Variants in SH3D19 observed in about 807,000 individuals in gnomAD.
SH3D19 encodes SH3 domain containing 19, also known as SH3 domain-containing protein 19.
SH3D19 carries 58 observed loss-of-function variants against 112.1 expected under a neutral mutation model. That is an observed-to-expected ratio of 0.52 (90% CI 0.42 to 0.64). The LOEUF is 0.64. Among genes scored for constraint, SH3D19 ranks in the 30% least tolerant of loss-of-function variants. The probability of loss-of-function intolerance (pLI) is 0.00; values close to 1 mark genes in which losing one functional copy is unlikely to be tolerated. For missense variants in SH3D19, 1,090 were observed against 1,263.4 expected, an observed-to-expected ratio of 0.86 and a Z score of 2.08; for synonymous variants, 391 against 448.5, an observed-to-expected ratio of 0.87 and a Z score of 1.62.
chr4:151,241,002 A>G (rs2149967366), intron 1 of SH3D19, among the ~76,000 whole-genome samples: 2 of 152,052 alleles, frequency 1.3e-5, no homozygotes, highest in South Asian at 4.1e-4. Flanking sequence ...TCTTGAAAAC[A>G]TTAAGTAAAA....
At chr4:151,283,049 C>T in intron 1 of SH3D19, 1 of 1,466,112 alleles carries the variant, frequency 6.8e-7, no homozygotes, top group South Asian at 1.2e-5. Context: ...TTCTGCACAT[C>T]ATGACTGAAT....
intron 1 of SH3D19, among the ~76,000 whole-genome samples, chr4:151,319,634 G>C (rs1730342809): frequency 6.6e-6 from 1 of 152,114 alleles, no homozygotes; most frequent in South Asian, 2.1e-4. Context: ...AGGTGACTGA[G>C]GTTCAGCTAT....
intron 2 of SH3D19, among the ~76,000 whole-genome samples, chr4:151,189,983 GATA>G (rs1430910659): frequency 1.3e-5 from 2 of 152,164 alleles, no homozygotes; most frequent in African/African-American, 4.8e-5. Flanking sequence ...CCAAAATGCT[GATA>G]ATGATATGGA....
chr4:151,158,314 T>A (rs1390207329), intron 9 of SH3D19, among the ~76,000 whole-genome samples: 5 of 152,126 alleles, frequency 3.3e-5, no homozygotes, highest in Non-Finnish European at 5.9e-5. Flanking sequence ...TTATTTATTT[T>A]TTGAGATGGA....
intron 17 of SH3D19, among the ~76,000 whole-genome samples, chr4:151,129,335 G>C (rs1750109041): frequency 6.6e-6 from 1 of 152,162 alleles, no homozygotes; most frequent in South Asian, 2.1e-4. Context: ...GGAACCCTAT[G>C]TTCAAGAGGC....
At position 151,312,359 on chromosome 4, in the gene SH3D19, G is replaced by A. The variant is rs546216589; in HGVS notation, c.112+12882C>T. On this transcript the variant is annotated intron_variant, in intron 1 of 19. Coordinates refer to ENST00000604030, the MANE Select transcript of SH3D19 (RefSeq NM_001378122.1). ...ATCATATTTTTAAATAGGATACTAA[G>A]GCAGTGATTCTCACCTTACATACAA... 2.0e-5 allele frequency among the ~76,000 whole-genome samples: 3 copies of A among 152,306 alleles called. No homozygotes were observed. The East Asian group carries it at 5.8e-4, about 29-fold the overall frequency.
rs1028938821 is a variant in SH3D19 at position 151,269,650 on chromosome 4, T to C, written c.113-43564A>G. Among the ~76,000 whole-genome samples, 22 of 152,134 alleles carry C rather than the reference T, an allele frequency of 1.4e-4. 1 individual carries two copies. The highest frequency in any genetic ancestry group is 1.2e-3 in the Admixed American group (18 of 15,270). On this transcript the variant is annotated intron_variant, in intron 1 of 19. Coordinates refer to ENST00000604030, the MANE Select transcript of SH3D19 (RefSeq NM_001378122.1). ...CTTTAATAATAAATTAATCTCTGCT[T>C]ACTATAACTTTTTTACTTTATAAAC...
At chr4:151,139,100 C>T (rs535292826) in intron 13 of SH3D19, among the ~76,000 whole-genome samples, 1 of 152,074 alleles carries the variant, frequency 6.6e-6, no homozygotes, top group Non-Finnish European at 1.5e-5. Flanking sequence ...GCTGGGATTA[C>T]AGGTGTAAGC....
intron 2 of SH3D19, among the ~76,000 whole-genome samples, chr4:151,220,447 C>G (rs1296667634): frequency 6.6e-6 from 1 of 152,010 alleles, no homozygotes; most frequent in African/African-American, 2.4e-5. Flanking sequence ...AAAATATTTC[C>G]TTGTAGTAGA....
intron 1 of SH3D19, among the ~76,000 whole-genome samples, chr4:151,293,566 T>C (rs936520151): frequency 2.0e-5 from 3 of 152,238 alleles, no homozygotes; most frequent in African/African-American, 7.2e-5. Context: ...GGATTGCCAT[T>C]ACAGCCTCCT....
chr4:151,144,212 T>C (rs754878260), intron 11 of SH3D19, 162 bp from the exon 12 acceptor site: 2 of 1,611,480 alleles, frequency 1.2e-6, no homozygotes, highest in Admixed American at 1.7e-5. Flanking sequence ...GAAAGAGCTC[T>C]ACTTTACCTT....
intron 2 of SH3D19, among the ~76,000 whole-genome samples, chr4:151,216,943 CA>C (rs1160222278): frequency 6.9e-6 from 1 of 144,094 alleles, no homozygotes; most frequent in Non-Finnish European, 1.5e-5. Context: ...TGTAGGATGA[CA>C]AAAAAATGTT....
At chr4:151,261,888 G>T (rs1317472930) in intron 1 of SH3D19, among the ~76,000 whole-genome samples, 1 of 152,116 alleles carries the variant, frequency 6.6e-6, no homozygotes, top group Non-Finnish European at 1.5e-5. Context: ...AGGGGAAGGA[G>T]ACATGAAGAT....
At chr4:151,307,820 T>C (rs185132590) in intron 1 of SH3D19, among the ~76,000 whole-genome samples, 25 of 152,354 alleles carry the variant, frequency 1.6e-4, no homozygotes, top group Admixed American at 7.8e-4. Context: ...GAAGAGGGAT[T>C]TGCCTTCCAA....
intron 1 of SH3D19, among the ~76,000 whole-genome samples, chr4:151,264,988 C>T (rs1463676270): frequency 1.3e-5 from 2 of 151,930 alleles, no homozygotes; most frequent in African/African-American, 2.4e-5. Flanking sequence ...AGTGAATATT[C>T]CTCATTCTAA....
At chr4:151,149,828 T>C (rs1754600847) in intron 9 of SH3D19, among the ~76,000 whole-genome samples, 1 of 152,140 alleles carries the variant, frequency 6.6e-6, no homozygotes, top group Admixed American at 6.6e-5. Flanking sequence ...TGCATGGTCA[T>C]GCACTCAGTG....
intron 4 of SH3D19, among the ~76,000 whole-genome samples, chr4:151,178,645 A>C (rs1246718788): frequency 6.6e-6 from 1 of 152,242 alleles, no homozygotes; most frequent in Non-Finnish European, 1.5e-5. Context: ...ATCCAAGGTC[A>C]CATGGTAGGA....
intron 2 of SH3D19, among the ~76,000 whole-genome samples, chr4:151,223,055 C>G (rs941509455): frequency 2.2e-5 from 3 of 136,038 alleles, no homozygotes; most frequent in Non-Finnish European, 3.0e-5. Flanking sequence ...TACTGCTTAT[C>G]TCACTAGTGA....
chr4:151,224,378 T>A (rs949602315), intron 2 of SH3D19, among the ~76,000 whole-genome samples: 2 of 152,166 alleles, frequency 1.3e-5, no homozygotes. Context: ...TTCAGTGTAA[T>A]CAAATCGGTG....
Sources: allele counts gnomAD v4.1 joint callset (sites outside exome capture counted in the v4.1 genomes callset), GRCh38; gene constraint gnomAD v4.1.1; transcripts MANE v1.5; gene names NCBI Gene and HGNC (gene_info 2026-07-23, HGNC 2026-07-21).